The following FSTL5 variants were observed in gnomAD, a reference collection of about 807,000 sequenced individuals.
FSTL5 encodes the protein follistatin like 5.
FSTL5 carries 62 observed loss-of-function variants against 89.1 expected under a neutral mutation model. That is an observed-to-expected ratio of 0.70 (90% CI 0.57 to 0.86). The LOEUF (loss-of-function observed/expected upper bound fraction) is 0.86. Ranked by LOEUF, FSTL5 falls within the 40% of genes least tolerant of loss-of-function variation. The probability of loss-of-function intolerance (pLI) is 0.00; values close to 1 mark genes in which losing one functional copy is unlikely to be tolerated. For missense variants in FSTL5, 1,057 were observed against 1,001.6 expected, an observed-to-expected ratio of 1.06 and a Z score of -0.75; for synonymous variants, 383 against 346.2, an observed-to-expected ratio of 1.11 and a Z score of -1.18.
chr4:161,612,799 T>C (rs146345425), intron 7 of FSTL5, among the ~76,000 whole-genome samples: 21 of 152,308 alleles, frequency 1.4e-4, no homozygotes, highest in African/African-American at 4.8e-4. Flanking sequence ...GAAACAATTA[T>C]GTGATTCTTG....
At chr4:162,072,194 A>G (rs921243310) in intron 2 of FSTL5, among the ~76,000 whole-genome samples, 13 of 151,814 alleles carry the variant, frequency 8.6e-5, no homozygotes, top group African/African-American at 2.7e-4. Flanking sequence ...TCAATGTACA[A>G]AATAATACAC....
intron 2 of FSTL5, among the ~76,000 whole-genome samples, chr4:162,102,674 T>C (rs1411327462): frequency 6.9e-6 from 1 of 144,722 alleles, no homozygotes; most frequent in Non-Finnish European, 1.5e-5. Flanking sequence ...TAAAAATATG[T>C]ATAACATATT....
chr4:162,057,455 T>G (rs1404563876), intron 2 of FSTL5, among the ~76,000 whole-genome samples: 1 of 152,206 alleles, frequency 6.6e-6, no homozygotes, highest in Non-Finnish European at 1.5e-5. Flanking sequence ...AGAATTAATA[T>G]TTCCTGTTTT....
rs113301763 is a variant in FSTL5, at chr4:161,600,149, A to G, written c.895-12574T>C. ...CAACATGAATGAATCCCCAAGCACA[A>G]TGTCAATAAACACACACACACACAC... On this transcript the variant is annotated intron_variant, in intron 7 of 15. Transcript: ENST00000306100. Among the ~76,000 whole-genome samples the G allele has an allele frequency of 9.9e-4, 139 of 139,860 alleles. 1 individual carries two copies. Among genetic ancestry groups the G allele is most frequent in the African/African-American group, 3.6e-3 (135 of 37,036 alleles). 91.8% of individuals were successfully genotyped at this position (139,860 alleles called of 152,430 possible).
chr4:161,921,901 C>G (rs1056875142), intron 3 of FSTL5, among the ~76,000 whole-genome samples: 1 of 151,998 alleles, frequency 6.6e-6, no homozygotes, highest in Non-Finnish European at 1.5e-5. Context: ...CCTTGTGTTA[C>G]TTACTATTAA....
At chr4:162,015,171 G>A (rs1474991382) in intron 3 of FSTL5, among the ~76,000 whole-genome samples, 4 of 152,152 alleles carry the variant, frequency 2.6e-5, no homozygotes, top group African/African-American at 9.7e-5. Context: ...AGTATAATGA[G>A]TTACTCTGGC....
chr4:161,747,131 T>C (rs1335027883), intron 6 of FSTL5, among the ~76,000 whole-genome samples: 1 of 152,232 alleles, frequency 6.6e-6, no homozygotes, highest in Non-Finnish European at 1.5e-5. Context: ...TTGTAGTAAC[T>C]AGCCTTAATA....
intron 6 of FSTL5, among the ~76,000 whole-genome samples, chr4:161,675,819 T>G (rs551846648): frequency 6.6e-6 from 1 of 152,074 alleles, no homozygotes; most frequent in Non-Finnish European, 1.5e-5. Flanking sequence ...AAATTGTTAA[T>G]GTATATCTTA....
chr4:161,473,598 A>T (rs1250623355), intron 13 of FSTL5, among the ~76,000 whole-genome samples: 2 of 151,890 alleles, frequency 1.3e-5, no homozygotes, highest in Non-Finnish European at 2.9e-5. Context: ...CCAGCAAATT[A>T]AAAAATGTGT....
chr4:161,969,089 A>G (rs1361300451), intron 3 of FSTL5, among the ~76,000 whole-genome samples: 1 of 152,112 alleles, frequency 6.6e-6, no homozygotes. Flanking sequence ...ATTCCACTGT[A>G]CAGGTTGGAG....
intron 2 of FSTL5, among the ~76,000 whole-genome samples, chr4:162,108,898 A>G (rs939488736): frequency 5.3e-5 from 8 of 152,058 alleles, no homozygotes; most frequent in African/African-American, 1.9e-4. Flanking sequence ...CATGTGCCCA[A>G]TACTATCCTT....
chr4:162,106,631 G>C (rs1369050175), intron 2 of FSTL5, among the ~76,000 whole-genome samples: 2 of 152,040 alleles, frequency 1.3e-5, no homozygotes, highest in Non-Finnish European at 2.9e-5. Context: ...AATAAGAAAA[G>C]GCCAAGAATA....
intron 8 of FSTL5, chr4:161,552,540 C>G (rs902033780): frequency 6.6e-6 from 1 of 151,704 alleles, no homozygotes; most frequent in African/African-American, 2.4e-5. Context: ...TGTTCAATTT[C>G]CTCCTGCATT....
chr4:162,075,448 T>C (rs117262815), intron 2 of FSTL5, among the ~76,000 whole-genome samples: 2 of 151,888 alleles, frequency 1.3e-5, no homozygotes, highest in East Asian at 3.9e-4. Context: ...TGTCCAGGTG[T>C]CAGCTCCATG....
At position 161,408,069 on chromosome 4, in the gene FSTL5, G is replaced by C. The variant is rs185506019; in HGVS notation, c.1842-21620C>G. Among the ~76,000 whole-genome samples, 3 of 152,234 alleles carry C rather than the reference G, an allele frequency of 2.0e-5. No individual in the cohort carries two copies. The East Asian group carries it at 5.8e-4, about 30-fold the overall frequency. ...CTGAGTCACACAGGTTTGTGGGCTG[G>C]TGTGGGACCTAACTGTCCCTCCATC... On this transcript the variant is annotated intron_variant, in intron 15 of 15. Coordinates refer to ENST00000306100, the MANE Select transcript of FSTL5 (RefSeq NM_020116.5).
At chr4:161,595,545 T>G (rs545119828) in intron 7 of FSTL5, among the ~76,000 whole-genome samples, 4 of 152,152 alleles carry the variant, frequency 2.6e-5, no homozygotes, top group African/African-American at 9.6e-5. Flanking sequence ...AATGGGAACT[T>G]TGGAAGAAAG....
chr4:161,667,518 A>T (rs907080143), intron 6 of FSTL5, among the ~76,000 whole-genome samples: 1 of 152,104 alleles, frequency 6.6e-6, no homozygotes, highest in Non-Finnish European at 1.5e-5. Context: ...ATAGTAAGGT[A>T]TTGACATTGC....
intron 4 of FSTL5, among the ~76,000 whole-genome samples, chr4:161,808,697 A>C (rs1196255177): frequency 6.6e-6 from 1 of 152,182 alleles, no homozygotes; most frequent in African/African-American, 2.4e-5. Flanking sequence ...CAATCAATAG[A>C]GTGAAAACAT....
At chr4:161,511,270 C>T (rs908072650) in intron 10 of FSTL5, among the ~76,000 whole-genome samples, 1 of 152,048 alleles carries the variant, frequency 6.6e-6, no homozygotes, top group African/African-American at 2.4e-5. Context: ...CCAACTGAAC[C>T]CACATGTGTA....
Sources: allele counts gnomAD v4.1 joint callset (sites outside exome capture counted in the v4.1 genomes callset), GRCh38; gene constraint gnomAD v4.1.1; transcripts MANE v1.5; gene names NCBI Gene and HGNC (gene_info 2026-07-23, HGNC 2026-07-21).